Variants in TNR observed in about 807,000 individuals in gnomAD.
TNR encodes tenascin-R.
TNR carries 45 observed loss-of-function variants against 150.4 expected under a neutral mutation model. That is an observed-to-expected ratio of 0.30 (90% CI 0.24 to 0.38). The LOEUF (loss-of-function observed/expected upper bound fraction) is 0.38, where lower values mean the gene tolerates loss of function less well. TNR is among the 10% of genes least tolerant of loss of function. The pLI is 1.00. For missense variants in TNR, 1,544 were observed against 1,759.1 expected (o/e 0.88, Z 2.19); for synonymous variants, 687 against 678.4 (o/e 1.01, Z -0.20).
rs555712220 is a variant in TNR at position 175,527,588 on chromosome 1, C to T, written c.-64+681G>A. On this transcript the variant is annotated intron_variant, in intron 2 of 22. Coordinates refer to ENST00000367674, the MANE Select transcript of TNR (RefSeq NM_003285.3). ...AACGGCCACACCTGTTTGAAAAGTT[C>T]CCAGTTCAGTATATCAAGTTTGAGT... is the stretch of plus-strand genomic sequence containing the variant. Among the ~76,000 whole-genome samples the T allele has an allele frequency of 5.3e-5, 8 of 152,218 alleles. No individual in the cohort carries two copies. In the East Asian group the frequency reaches 1.5e-3, roughly 29 times the overall value.
At chr1:175,469,118 A>T (rs1657162156) in intron 2 of TNR, among the ~76,000 whole-genome samples, 1 of 152,140 alleles carries the variant, frequency 6.6e-6, no homozygotes, top group Non-Finnish European at 1.5e-5. Context: ...CATTGAGCTC[A>T]GTTTGAGGCT....
Position 175,356,460 on chromosome 1 carries a change from C to T in TNR, c.2977G>A (p.Ala993Thr), listed in dbSNP as rs867038686. The T allele has an allele frequency of 1.2e-5, 19 of 1,613,642 alleles. No homozygotes were observed. Among genetic ancestry groups the T allele is most frequent in the Middle Eastern group, 1.7e-4 (1 of 6,058 alleles). Residue 993 changes from alanine to threonine, a missense_variant and splice_region_variant, in exon 16 of 23, where the codon GCT becomes ACT. Ala to Thr is a moderately conservative substitution (Grantham distance 58, BLOSUM62 0). Around this residue, in one of 2 missense-constraint regions of TNR, gnomAD observed 1,254 missense variants for 1,329.4 expected, o/e 0.94. Transcript: ENST00000367674. ...YVIVLTHFAV[A>T]GETILVDGVS... The stretch of plus-strand genomic sequence containing the variant: ...CCGTCAACAAGGATGGTCTCTCCAG[C>T]GACTGAACTCAAATGAATATGAATA...
intron 1 of TNR, among the ~76,000 whole-genome samples, chr1:175,561,776 A>G (rs1219222838): frequency 6.6e-6 from 1 of 152,224 alleles, no homozygotes; most frequent in East Asian, 1.9e-4. Context: ...TTCTTCCCAC[A>G]TTAGAGCTGG....
chr1:175,547,226 A>G (rs1224124487), intron 1 of TNR, among the ~76,000 whole-genome samples: 1 of 152,172 alleles, frequency 6.6e-6, no homozygotes, highest in African/African-American at 2.4e-5. Context: ...AGATATCAGC[A>G]TCTCTGCCCC....
chr1:175,365,957 CT>C lies in TNR; in HGVS notation c.2234del (p.Glu745GlyfsTer41). On this transcript the variant is annotated frameshift_variant, in exon 11 of 23. Coordinates refer to ENST00000367674, the MANE Select transcript of TNR (RefSeq NM_003285.3). LOFTEE classifies it high-confidence loss of function. ...CGGAAATGATGTACTCTGCCCCAGG[CT>C]CTAGATCTGTTAGTGTGTATGAGGT... Reference protein sequence around the residue: ...DRTSYTLTDLEPGAEYIISVT... With the variant: ...DRTSYTLTDLXPGAEYIISVT... 1 of 1,614,160 alleles carries C rather than the reference CT, an allele frequency of 6.2e-7. No individual in the cohort carries two copies. Among genetic ancestry groups the C allele is most frequent in the Non-Finnish European group, 8.5e-7 (1 of 1,180,022 alleles).
intron 2 of TNR, among the ~76,000 whole-genome samples, chr1:175,409,409 T>C (rs4652086): frequency 0.69 from 104,274 of 151,944 alleles, 36,162 homozygotes; most frequent in East Asian, 0.83. Flanking sequence ...GAGAGAAAAA[T>C]GTTAGGTCCT....
intron 18 of TNR, among the ~76,000 whole-genome samples, chr1:175,341,022 A>G (rs1315665860): frequency 6.6e-6 from 1 of 152,116 alleles, no homozygotes; most frequent in African/African-American, 2.4e-5. Context: ...GTGTCCTAGT[A>G]TTTATTGTTT....
intron 2 of TNR, among the ~76,000 whole-genome samples, chr1:175,454,258 C>T (rs1327529433): frequency 2.6e-5 from 4 of 152,192 alleles, no homozygotes; most frequent in Non-Finnish European, 5.9e-5. Context: ...ATCCAGATTA[C>T]AGGCAGAGGC....
In TNR at chr1:175,406,795, G is replaced by T; in HGVS notation, c.-63-18C>A. 1 of 1,548,770 alleles carries T rather than the reference G, an allele frequency of 6.5e-7. No homozygotes were observed. Among genetic ancestry groups the T allele is most frequent in the Non-Finnish European group, 8.7e-7 (1 of 1,145,806 alleles). On this transcript the variant is annotated intron_variant, in intron 2 of 22. Coordinates refer to ENST00000367674, the MANE Select transcript of TNR (RefSeq NM_003285.3). ...GTGGGAATCTGCAACGGAAACCAAGGAAAGAGACAACCTCTGAGACCTATG... is the reference window on the plus strand; with the variant it reads ...GTGGGAATCTGCAACGGAAACCAAGTAAAGAGACAACCTCTGAGACCTATG...
chr1:175,671,091 G>A (rs368890804), intron 1 of TNR, among the ~76,000 whole-genome samples: 2 of 152,170 alleles, frequency 1.3e-5, no homozygotes, highest in African/African-American at 2.4e-5. Context: ...GAAGAACATC[G>A]TGAGTGGGTA....
chr1:175,719,766 T>C (rs1450662545), intron 1 of TNR, among the ~76,000 whole-genome samples: 1 of 152,180 alleles, frequency 6.6e-6, no homozygotes, highest in Non-Finnish European at 1.5e-5. Context: ...AGTTCTCCTT[T>C]ATTTCCCTAC....
rs549496879 is a variant in TNR at position 175,363,403 on chromosome 1, C to A, written c.2707+305G>T. On this transcript the variant is annotated intron_variant, in intron 13 of 22. Coordinates refer to ENST00000367674, the MANE Select transcript of TNR (RefSeq NM_003285.3). ...CATTCTTGTAGGAATATTCATGTGA[C>A]CCAAGCTCTTGGCAGATTCTTTTGG... Among the ~76,000 whole-genome samples, 3 of 152,218 alleles carry A rather than the reference C, an allele frequency of 2.0e-5. No homozygotes were observed. The South Asian group carries it at 6.2e-4, about 31-fold the overall frequency.
At chr1:175,730,957 C>T (rs1168578319) in intron 1 of TNR, among the ~76,000 whole-genome samples, 3 of 152,026 alleles carry the variant, frequency 2.0e-5, no homozygotes, top group African/African-American at 4.8e-5. Context: ...GATGTCTGTC[C>T]GGGGGCAGAA....
In TNR at chr1:175,401,492, T is replaced by C. The variant is rs541561251; in HGVS notation, c.976+1648A>G. ...CTGCTTGAATTTCACTTTGGGATAA[T>C]TGGTGTGGTGACAATATTTTTAGAA... On this transcript the variant is annotated intron_variant, in intron 4 of 22. Transcript: ENST00000367674. Among the ~76,000 whole-genome samples the C allele has an allele frequency of 9.2e-5, 14 of 152,166 alleles. No homozygotes were observed. In the South Asian group the frequency reaches 2.9e-3, roughly 32 times the overall value.
chr1:175,667,564 G>A (rs1183001101), intron 1 of TNR, among the ~76,000 whole-genome samples: 4 of 152,158 alleles, frequency 2.6e-5, no homozygotes, highest in African/African-American at 4.8e-5. Context: ...GATTGGGGAG[G>A]CATACAAGTA....
rs567506846 is a variant in TNR at position 175,568,960 on chromosome 1, T to G, written c.-164-40591A>C. Among the ~76,000 whole-genome samples, 2 of 152,308 alleles carry G rather than the reference T, an allele frequency of 1.3e-5. 1 individual carries two copies. The highest frequency in any genetic ancestry group is 3.9e-4 in the East Asian group (2 of 5,190). On this transcript the variant is annotated intron_variant, in intron 1 of 22. Coordinates refer to ENST00000367674, the MANE Select transcript of TNR (RefSeq NM_003285.3). ...TCTCTTGCCCTGTCCACTTTTTTTT[T>G]TAAGTAAGAGGCTTTTTTTTCTAGT...
chr1:175,551,660 T>G (rs376660308), intron 1 of TNR, among the ~76,000 whole-genome samples: 1 of 152,138 alleles, frequency 6.6e-6, no homozygotes, highest in Admixed American at 6.5e-5. Flanking sequence ...CAATTGTAAT[T>G]AAGAACAAAG....
chr1:175,330,353 G>A, intron 20 of TNR, 118 bp from the exon 21 acceptor site: 2 of 1,153,182 alleles, frequency 1.7e-6, no homozygotes, highest in Non-Finnish European at 1.2e-6. Context: ...ACTCCAGATT[G>A]CTTTTGCTCT....
At chr1:175,730,904 T>G (rs747916521) in intron 1 of TNR, among the ~76,000 whole-genome samples, 1 of 152,216 alleles carries the variant, frequency 6.6e-6, no homozygotes. Context: ...AGGTAGAAGC[T>G]GCTTCCTTTG....
Sources: allele counts gnomAD v4.1 joint callset (sites outside exome capture counted in the v4.1 genomes callset), GRCh38; gene constraint gnomAD v4.1.1; regional missense constraint gnomAD v4.1.1; transcripts MANE v1.5; gene names NCBI Gene and HGNC (gene_info 2026-07-23, HGNC 2026-07-21).